Variants in RASA3 observed in about 807,000 individuals in gnomAD.
RASA3 encodes ras GTPase-activating protein 3.
Under a neutral mutation model 110.0 loss-of-function variants are expected in RASA3, and 73 were observed. That is an observed-to-expected ratio of 0.66 (90% confidence interval 0.55 to 0.81). RASA3 has a LOEUF of 0.81. RASA3 is among the 30% of genes least tolerant of loss of function. The pLI, the probability that RASA3 is intolerant of heterozygous loss-of-function variation, is 0.00. For missense variants in RASA3, 976 were observed against 1,113.2 expected (o/e 0.88, Z 1.75); for synonymous variants, 500 against 451.4 (o/e 1.11, Z -1.37).
chr13:114,018,707 C>T (rs2053848972), intron 10 of RASA3, 56 bp downstream of exon 10: 9 of 1,593,158 alleles, frequency 5.6e-6, no homozygotes, highest in Non-Finnish European at 7.7e-6. Context: ...TAGGGTGGGG[C>T]CCCAGGCAGG....
rs946685679 is a variant in RASA3 at position 114,027,481 on chromosome 13, G to A, written c.531-20C>T. The A allele has an allele frequency of 1.2e-5, 19 of 1,591,882 alleles. No individual in the cohort carries two copies. Among genetic ancestry groups the A allele is most frequent in the Non-Finnish European group, 1.6e-5 (19 of 1,160,244 alleles). On this transcript the variant is annotated intron_variant, in intron 6 of 23. Coordinates refer to ENST00000334062, the MANE Select transcript of RASA3 (RefSeq NM_007368.4). ...TCTGATCTGTTATCAAGTGAGAAAG[G>A]ATTGGGATTAAAACAACACTGCTGA... is the stretch of plus-strand genomic sequence containing the variant.
intron 2 of RASA3, among the ~76,000 whole-genome samples, chr13:114,053,027 G>A (rs915211932): frequency 5.5e-4 from 73 of 133,250 alleles, no homozygotes; most frequent in African/African-American, 9.7e-4. Flanking sequence ...TGCTGACTGT[G>A]CTTAGAGTCC....
chr13:114,073,810 G>A lies in RASA3; in HGVS notation c.83C>T (p.Pro28Leu), dbSNP rs750827462. 8.7e-6 allele frequency: 14 copies of A among 1,614,042 alleles called. No individual in the cohort carries two copies. The highest frequency in any genetic ancestry group is 4.4e-5 in the South Asian group (4 of 91,084). ...GCAATCCCTCATCTTGCTCGGCCCC[G>A]GGTAAGAGGGAAGGTTTTTGGCTTC... Reference protein sequence around the residue: ...IGEAKNLPSYPGPSKMRDCYC... With the variant: ...IGEAKNLPSYLGPSKMRDCYC... The change falls in exon 2 of 24, where the codon CCG (proline) becomes CTG (leucine). Residue 28 changes from proline (P) to leucine (L), a missense_variant. Pro to Leu is a moderately conservative substitution (Grantham distance 98). This residue lies in a region of RASA3 where 732 missense variants were observed against 779.7 expected (regional missense o/e 0.94). Transcript: ENST00000334062.
intron 2 of RASA3, among the ~76,000 whole-genome samples, chr13:114,054,256 G>C (rs2079199903): frequency 1.3e-5 from 2 of 152,178 alleles, no homozygotes; most frequent in South Asian, 4.1e-4. Flanking sequence ...AATAAATGAT[G>C]ACAAATAATT....
intron 17 of RASA3, 107 bp from the exon 18 acceptor site, chr13:114,007,713 G>T: frequency 1.1e-6 from 1 of 897,500 alleles, no homozygotes; most frequent in Non-Finnish European, 1.8e-6. Flanking sequence ...TGTAATACCA[G>T]TGGAGACAGA....
chr13:114,004,228 T>C (rs2139187347), intron 18 of RASA3, among the ~76,000 whole-genome samples: 1 of 111,682 alleles, frequency 9.0e-6, no homozygotes, highest in South Asian at 3.0e-4. Context: ...TGGGACTTAA[T>C]TAAACTAAAC....
chr13:114,059,603 C>T (rs1243883961), intron 2 of RASA3, among the ~76,000 whole-genome samples: 1 of 152,262 alleles, frequency 6.6e-6, no homozygotes, highest in East Asian at 1.9e-4. Flanking sequence ...GCACAGAGGG[C>T]GCTCGGCTGG....
At chr13:114,001,041 G>T in intron 18 of RASA3, 109 bp from the exon 19 acceptor site, 2 of 728,576 alleles carry the variant, frequency 2.7e-6, no homozygotes, top group South Asian at 2.9e-5. Context: ...GCAGGCAGTG[G>T]ATTTTCAATA....
chr13:114,131,806 C>A (rs916013977), intron 1 of RASA3, among the ~76,000 whole-genome samples: 1 of 151,286 alleles, frequency 6.6e-6, no homozygotes, highest in Non-Finnish European at 1.5e-5. Context: ...AAATACGCAC[C>A]CACACATGCA....
chr13:113,980,679 T>A (rs760719362), intron 23 of RASA3, among the ~76,000 whole-genome samples: 1 of 152,154 alleles, frequency 6.6e-6, no homozygotes, highest in Non-Finnish European at 1.5e-5. Context: ...GGATCTGATA[T>A]GATGATGTCA....
intron 8 of RASA3, among the ~76,000 whole-genome samples, 172 bp downstream of exon 8, chr13:114,024,107 C>G (rs555158222): frequency 6.6e-6 from 1 of 152,376 alleles, no homozygotes; most frequent in African/African-American, 2.4e-5. Flanking sequence ...GCCCTAACAC[C>G]ACCCACAGGC....
rs1370335370 is a variant in RASA3, at chr13:113,978,308, C to G, written c.*1039G>C. On this transcript the variant is annotated 3_prime_UTR_variant, in exon 24 of 24. Transcript: ENST00000334062. ...CACCCCGAAGCCCCTGTACCTCAAA[C>G]TCAGAGTTTCTTCCCTTCTTTGATT... 6.6e-6 allele frequency: 1 copy of G among 152,322 alleles called. No individual in the cohort carries two copies. The highest frequency in any genetic ancestry group is 1.5e-5 in the Non-Finnish European group (1 of 68,116). 9.4% of individuals were successfully genotyped at this position (152,322 alleles called of 1,614,324 possible).
chr13:113,983,232 G>C (rs913827740), intron 22 of RASA3, among the ~76,000 whole-genome samples: 2 of 124,686 alleles, frequency 1.6e-5, no homozygotes, highest in East Asian at 4.6e-4. Flanking sequence ...ATGGTGGCAT[G>C]AGCATGGGTG....
intron 1 of RASA3, among the ~76,000 whole-genome samples, chr13:114,090,309 G>T (rs1041905371): frequency 6.6e-6 from 1 of 152,118 alleles, no homozygotes; most frequent in Non-Finnish European, 1.5e-5. Context: ...TGTCTTTTTG[G>T]TTATATATTT....
At chr13:114,000,955 C>A (rs763748036) in intron 18 of RASA3, 23 bp from the exon 19 acceptor site, 2 of 1,551,514 alleles carry the variant, frequency 1.3e-6, no homozygotes, top group African/African-American at 1.4e-5. Flanking sequence ...CACACAGGGC[C>A]GGGGTCCGGG....
At chr13:114,129,454 G>A (rs991489659) in intron 1 of RASA3, among the ~76,000 whole-genome samples, 1 of 152,178 alleles carries the variant, frequency 6.6e-6, no homozygotes, top group African/African-American at 2.4e-5. Context: ...GAGGAAGGGG[G>A]AAAGGAGGAA....
chr13:114,082,653 T>TG (rs1051888633), intron 1 of RASA3, among the ~76,000 whole-genome samples: 8 of 152,202 alleles, frequency 5.3e-5, no homozygotes, highest in African/African-American at 1.9e-4. Flanking sequence ...AGAGAAGGAA[T>TG]GGGGGGCAGG....
chr13:114,011,093 G>A lies in RASA3; in HGVS notation c.1590+78C>T, dbSNP rs1594316464. On this transcript the variant is annotated intron_variant, in intron 16 of 23. Coordinates refer to ENST00000334062, the MANE Select transcript of RASA3 (RefSeq NM_007368.4). This position sits in a 1 kb window ranked among gnomAD's most constrained non-coding sequence, Gnocchi z 4.8. Reference sequence around the variant, plus strand: ...TCTTACGACTCTCTCAAATGTGGGAGGTTTTTCACGTGTATTTTCTGAAGA... The same window carrying A: ...TCTTACGACTCTCTCAAATGTGGGAAGTTTTTCACGTGTATTTTCTGAAGA... The A allele has an allele frequency of 2.4e-6, 3 of 1,275,468 alleles. No individual in the cohort carries two copies. Among genetic ancestry groups the A allele is most frequent in the East Asian group, 4.7e-5 (2 of 42,394 alleles). 79.0% of individuals were successfully genotyped at this position (1,275,468 alleles called of 1,614,324 possible).
intron 18 of RASA3, among the ~76,000 whole-genome samples, chr13:114,005,368 AG>A (rs1276741546): frequency 2.6e-5 from 4 of 152,176 alleles, no homozygotes; most frequent in African/African-American, 9.7e-5. Context: ...TATGTAAGGA[AG>A]GTTGATGGGC....
Sources: gnomAD v4.1 joint callset for allele counts (sites outside exome capture counted in the v4.1 genomes callset) on GRCh38, gnomAD v4.1.1 for gene constraint, gnomAD v4.1.1 regional missense constraint, Gnocchi (gnomAD v3.1) non-coding constraint, MANE v1.5 for transcripts, NCBI Gene and HGNC (gene_info 2026-07-23, HGNC 2026-07-21) for gene names.